Variants in KLF12 observed in about 807,000 individuals in gnomAD.
KLF12 encodes Krueppel-like factor 12.
A neutral mutation model predicts 37.8 loss-of-function variants in KLF12; 9 were observed. That is an observed-to-expected ratio of 0.24 (90% CI 0.14 to 0.42). The LOEUF (loss-of-function observed/expected upper bound fraction) is 0.42, where lower values mean the gene tolerates loss of function less well. KLF12 is among the 10% of genes least tolerant of loss of function. The pLI is 1.00. For synonymous variants in KLF12, 208 were observed against 202.1 expected, an observed-to-expected ratio of 1.03 and a Z score of -0.25; for missense variants, 411 against 516.0, an observed-to-expected ratio of 0.80 and a Z score of 1.97.
chr13:74,295,916 C>T, the KLF12 span, among the ~76,000 whole-genome samples: 1 of 152,092 alleles, frequency 6.6e-6, no homozygotes, highest in Non-Finnish European at 1.5e-5. Context: ...CAGGCTCAAA[C>T]GATCCTCCCA....
At chr13:73,951,064 T>G (rs967056335) in intron 2 of KLF12, among the ~76,000 whole-genome samples, 1 of 152,234 alleles carries the variant, frequency 6.6e-6, no homozygotes, top group Non-Finnish European at 1.5e-5. Context: ...GCAGGCCTCA[T>G]AGACGATCAA....
chr13:74,184,210 T>C, the KLF12 span, among the ~76,000 whole-genome samples: 2 of 152,234 alleles, frequency 1.3e-5, no homozygotes, highest in East Asian at 3.9e-4. Context: ...CCAAAATAGT[T>C]GTAGTGGTAA....
intron 3 of KLF12, among the ~76,000 whole-genome samples, chr13:73,905,004 T>C (rs1041149706): frequency 5.3e-5 from 8 of 152,148 alleles, no homozygotes; most frequent in African/African-American, 1.9e-4. Flanking sequence ...TAATTTCAAT[T>C]TTATAGCTTT....
At chr13:73,799,466 T>C (rs116062733) in intron 5 of KLF12, among the ~76,000 whole-genome samples, 2,915 of 145,682 alleles carry the variant, frequency 0.02, 101 homozygotes, top group African/African-American at 0.069. Flanking sequence ...TTTTTGTATG[T>C]AAAAGGATTA....
rs573678685 is a variant in KLF12 at position 74,055,786 on chromosome 13, A to C, written c.-31-60733T>G. ...CTAAACACTGAGTTGTTCTAGCAGCAGGTGGACAATAAGCAGTGTATATAA... is the reference window on the plus strand; with the variant it reads ...CTAAACACTGAGTTGTTCTAGCAGCCGGTGGACAATAAGCAGTGTATATAA... On this transcript the variant is annotated intron_variant, in intron 1 of 7. Coordinates refer to ENST00000377669, the MANE Select transcript of KLF12 (RefSeq NM_007249.5). 5.3e-5 allele frequency among the ~76,000 whole-genome samples: 8 copies of C among 152,352 alleles called. No individual in the cohort carries two copies. In the South Asian group the frequency reaches 1.7e-3, roughly 32 times the overall value.
chr13:73,863,156 G>A (rs548780195), intron 3 of KLF12, among the ~76,000 whole-genome samples: 1 of 152,220 alleles, frequency 6.6e-6, no homozygotes, highest in Admixed American at 6.5e-5. Flanking sequence ...TGCCAACTGA[G>A]GGAGGATCTC....
At chr13:74,268,989 G>T in the KLF12 span, among the ~76,000 whole-genome samples, 2 of 152,172 alleles carry the variant, frequency 1.3e-5, no homozygotes, top group South Asian at 4.1e-4. Context: ...AAGGAGAATG[G>T]ACAGAATCAA....
At chr13:74,296,673 G>T in the KLF12 span, among the ~76,000 whole-genome samples, 3 of 152,084 alleles carry the variant, frequency 2.0e-5, no homozygotes, top group Non-Finnish European at 4.4e-5. Flanking sequence ...ACTTTCAAAG[G>T]TACTTTTCAT....
rs116217054 is a variant in KLF12, at chr13:74,052,388, T to G, written c.-31-57335A>C. 8.1e-3 allele frequency among the ~76,000 whole-genome samples: 1,235 copies of G among 152,294 alleles called. 21 individuals carry two copies. The highest frequency in any genetic ancestry group is 0.028 in the African/African-American group (1,177 of 41,552). On this transcript the variant is annotated intron_variant, in intron 1 of 7. Transcript: ENST00000377669. ...GAGAATTACATTTTAAAATAATTGTTGGAAGCGTCTACTCTTTTTTTTAAG... is the reference window on the plus strand; with the variant it reads ...GAGAATTACATTTTAAAATAATTGTGGGAAGCGTCTACTCTTTTTTTTAAG...
chr13:73,832,633 A>G (rs1884224625), intron 4 of KLF12, among the ~76,000 whole-genome samples: 4 of 152,264 alleles, frequency 2.6e-5, no homozygotes, highest in African/African-American at 9.6e-5. Context: ...TTTTAAGATC[A>G]GAGAACTGAG....
At chr13:74,216,484 G>A in the KLF12 span, among the ~76,000 whole-genome samples, 1 of 152,200 alleles carries the variant, frequency 6.6e-6, no homozygotes, top group Admixed American at 6.5e-5. Flanking sequence ...AAATTGGGCA[G>A]CATGGTAGCC....
At chr13:74,263,725 C>T in the KLF12 span, among the ~76,000 whole-genome samples, 2 of 152,114 alleles carry the variant, frequency 1.3e-5, no homozygotes, top group African/African-American at 2.4e-5. Flanking sequence ...GGCGACAGAG[C>T]GAGACTCCAT....
chr13:73,947,009 T>C (rs1428834708), intron 2 of KLF12, among the ~76,000 whole-genome samples: 2 of 152,242 alleles, frequency 1.3e-5, no homozygotes, highest in Non-Finnish European at 2.9e-5. Context: ...GAATGTAGAC[T>C]TTAAATATGT....
chr13:73,881,165 TA>T (rs543458541), intron 3 of KLF12, among the ~76,000 whole-genome samples: 66 of 152,252 alleles, frequency 4.3e-4, no homozygotes, highest in African/African-American at 1.5e-3. Context: ...TCCATTTTTA[TA>T]AGTCATATAT....
At position 74,042,855 on chromosome 13, in the gene KLF12, A is replaced by G. The variant is rs74361550; in HGVS notation, c.-31-47802T>C. Among the ~76,000 whole-genome samples, 58 of 152,362 alleles carry G rather than the reference A, an allele frequency of 3.8e-4. 1 individual carries two copies. In the East Asian group the frequency reaches 0.011, roughly 28 times the overall value. On this transcript the variant is annotated intron_variant, in intron 1 of 7. Transcript: ENST00000377669. ...AACTGAGGCACAAATTAAAACAGACAGCACAGTGAATCTCTATGGGCAAGA... is the reference window on the plus strand; with the variant it reads ...AACTGAGGCACAAATTAAAACAGACGGCACAGTGAATCTCTATGGGCAAGA...
chr13:74,025,361 T>C (rs1252886789), intron 1 of KLF12, among the ~76,000 whole-genome samples: 1 of 152,064 alleles, frequency 6.6e-6, no homozygotes, highest in Non-Finnish European at 1.5e-5. Context: ...AGTGCCTTTA[T>C]GCAAATGTCA....
the KLF12 span, among the ~76,000 whole-genome samples, chr13:74,194,979 T>C: frequency 6.6e-6 from 1 of 152,188 alleles, no homozygotes; most frequent in African/African-American, 2.4e-5. Flanking sequence ...GAAGAGTTTG[T>C]TTTGACTTCT....
intron 7 of KLF12, among the ~76,000 whole-genome samples, chr13:73,711,530 G>A (rs1465579063): frequency 6.6e-6 from 1 of 152,134 alleles, no homozygotes; most frequent in Non-Finnish European, 1.5e-5. Context: ...AAATCTGCTT[G>A]TGCTGTATAA....
chr13:73,738,114 TATATATATATACAC>T (rs796618190), intron 6 of KLF12, among the ~76,000 whole-genome samples: 1,431 of 69,086 alleles, frequency 0.021, 16 homozygotes, highest in South Asian at 0.054. Flanking sequence ...TATATATATA[TATATATATATACAC>T]ACACACACAT....
Sources: gnomAD v4.1 joint callset for allele counts (sites outside exome capture counted in the v4.1 genomes callset) on GRCh38, gnomAD v4.1.1 for gene constraint, MANE v1.5 for transcripts, NCBI Gene and HGNC (gene_info 2026-07-23, HGNC 2026-07-21) for gene names.